The following CIMIP6 variants were observed in gnomAD, a reference collection of about 807,000 sequenced individuals.
The protein encoded by CIMIP6 is ciliary microtubule inner protein 6.
the CIMIP6 span, among the ~76,000 whole-genome samples, chr2:54,354,000 G>A: frequency 6.6e-6 from 1 of 151,964 alleles, no homozygotes; most frequent in East Asian, 1.9e-4. Context: ...TCCATAATTA[G>A]GTCTTTAATC....
chr2:54,356,145 A>C, the CIMIP6 span, among the ~76,000 whole-genome samples: 1 of 140,848 alleles, frequency 7.1e-6, no homozygotes, highest in Non-Finnish European at 1.5e-5. Context: ...TAAACTGTTA[A>C]AAAAAAAAAA....
the CIMIP6 span, among the ~76,000 whole-genome samples, chr2:54,370,478 G>C: frequency 6.6e-6 from 1 of 151,832 alleles, no homozygotes; most frequent in Non-Finnish European, 1.5e-5. Flanking sequence ...TAGTAAACTT[G>C]GAAATACAGA....
At chr2:54,360,571 C>T in the CIMIP6 span, 1 of 1,468,740 alleles carries the variant, frequency 6.8e-7, no homozygotes, top group Non-Finnish European at 9.0e-7. Flanking sequence ...AAATTACCTT[C>T]TTCAGATAAA....
the CIMIP6 span, among the ~76,000 whole-genome samples, chr2:54,376,632 C>T: frequency 1.1e-4 from 17 of 152,274 alleles, no homozygotes; most frequent in East Asian, 1.5e-3. Flanking sequence ...CCCAGGATAA[C>T]GCACTATACA....
chr2:54,373,854 G>C, the CIMIP6 span, among the ~76,000 whole-genome samples: 1 of 152,150 alleles, frequency 6.6e-6, no homozygotes, highest in African/African-American at 2.4e-5. Context: ...CCCTGCACCT[G>C]TTATTCTCCA....
the CIMIP6 span, among the ~76,000 whole-genome samples, chr2:54,371,484 T>C: frequency 2.6e-5 from 4 of 152,188 alleles, no homozygotes; most frequent in Non-Finnish European, 5.9e-5. Flanking sequence ...CATGCATTGA[T>C]GAGTTTGGTC....
the CIMIP6 span, among the ~76,000 whole-genome samples, chr2:54,337,738 A>G: frequency 6.6e-6 from 1 of 152,234 alleles, no homozygotes; most frequent in Non-Finnish European, 1.5e-5. Context: ...ACAGAATAGT[A>G]GTAGAATCAT....
At chr2:54,336,787 G>C in the CIMIP6 span, among the ~76,000 whole-genome samples, 3 of 152,202 alleles carry the variant, frequency 2.0e-5, no homozygotes, top group African/African-American at 4.8e-5. Context: ...AGTGACATTT[G>C]AGTGAAGACC....
chr2:54,349,184 A>T, the CIMIP6 span, among the ~76,000 whole-genome samples: 2 of 152,186 alleles, frequency 1.3e-5, no homozygotes, highest in Non-Finnish European at 2.9e-5. Flanking sequence ...CTTTTGCACC[A>T]AAATGTAACA....
At chr2:54,377,958 T>C in the CIMIP6 span, among the ~76,000 whole-genome samples, 1 of 152,234 alleles carries the variant, frequency 6.6e-6, no homozygotes, top group Non-Finnish European at 1.5e-5. Context: ...TTGACATACG[T>C]GAAACACCCA....
At chr2:54,365,127 G>A in the CIMIP6 span, among the ~76,000 whole-genome samples, 1 of 152,090 alleles carries the variant, frequency 6.6e-6, no homozygotes. Context: ...AATAATTCTG[G>A]GTTATCTCCT....
chr2:54,348,747 C>G, the CIMIP6 span, among the ~76,000 whole-genome samples: 1 of 152,174 alleles, frequency 6.6e-6, no homozygotes, highest in Admixed American at 6.5e-5. Flanking sequence ...TAAACATGCA[C>G]TAATATGTGC....
chr2:54,360,185 CTT>C, the CIMIP6 span: 1 of 1,532,378 alleles, frequency 6.5e-7, no homozygotes, highest in South Asian at 1.3e-5. Flanking sequence ...TTAATGTCGA[CTT>C]TGTTTTCTTT....
the CIMIP6 span, among the ~76,000 whole-genome samples, chr2:54,352,969 T>A: frequency 3.3e-5 from 5 of 152,318 alleles, no homozygotes; most frequent in East Asian, 9.6e-4. Context: ...CTAACTGAAA[T>A]TTCGACTCCT....
At chr2:54,377,043 G>C in the CIMIP6 span, among the ~76,000 whole-genome samples, 1 of 152,084 alleles carries the variant, frequency 6.6e-6, no homozygotes, top group African/African-American at 2.4e-5. Flanking sequence ...CGGTTCTCTC[G>C]GCCAAGTCTC....
At chr2:54,331,897 A>G in the CIMIP6 span, among the ~76,000 whole-genome samples, 2 of 152,252 alleles carry the variant, frequency 1.3e-5, no homozygotes, top group Admixed American at 6.5e-5. Context: ...CATAAGAATC[A>G]GCGAAACAGC....
chr2:54,365,843 G>C, the CIMIP6 span, among the ~76,000 whole-genome samples: 1 of 152,198 alleles, frequency 6.6e-6, no homozygotes, highest in African/African-American at 2.4e-5. Context: ...TAATTCAGTA[G>C]ATTAAACATA....
chr2:54,351,317 A>C, the CIMIP6 span, among the ~76,000 whole-genome samples: 1 of 152,234 alleles, frequency 6.6e-6, no homozygotes, highest in Non-Finnish European at 1.5e-5. Context: ...ATAAAGACAC[A>C]TGCATGCATA....
chr2:54,374,608 C>T, the CIMIP6 span, among the ~76,000 whole-genome samples: 59 of 152,270 alleles, frequency 3.9e-4, no homozygotes, highest in African/African-American at 1.4e-3. Flanking sequence ...CATTTTGTTC[C>T]CTTCATAGGA....
Sources: gnomAD v4.1 joint callset for allele counts (sites outside exome capture counted in the v4.1 genomes callset) on GRCh38, gnomAD v4.1.1 for gene constraint, MANE v1.5 for transcripts, NCBI Gene and HGNC (gene_info 2026-07-23, HGNC 2026-07-21) for gene names.